Variants in GSDMB observed in about 807,000 individuals in gnomAD.
GSDMB encodes gasdermin B.
GSDMB carries 32 observed loss-of-function variants against 42.9 expected under a neutral mutation model. The ratio of observed to expected loss-of-function variants is 0.75; its 90% confidence interval spans 0.56 to 1.00. The LOEUF (loss-of-function observed/expected upper bound fraction) is 1.00. Among genes scored for constraint, GSDMB ranks in the 50% least tolerant of loss-of-function variants. The pLI, the probability that GSDMB is intolerant of heterozygous loss-of-function variation, is 0.00. For synonymous variants in GSDMB, 175 were observed against 193.7 expected (o/e 0.90, Z 0.80); for missense variants, 468 against 498.5 (o/e 0.94, Z 0.58).
chr17:39,914,379 C>T (rs796750352), intron 2 of GSDMB, among the ~76,000 whole-genome samples: 3 of 152,226 alleles, frequency 2.0e-5, no homozygotes, highest in African/African-American at 7.2e-5. Context: ...CTGTCACAGC[C>T]AAGAGGAGCC....
intron 6 of GSDMB, 116 bp downstream of exon 6, chr17:39,908,060 A>T (rs1282155721): frequency 2.8e-6 from 2 of 707,094 alleles, no homozygotes; most frequent in Non-Finnish European, 5.2e-6. Context: ...CATGGTTCCC[A>T]CCTGTGGGTG....
chr17:39,916,973 CCA>C lies in GSDMB; in HGVS notation c.235+107_235+108del, dbSNP rs1478512900. On this transcript the variant is annotated intron_variant, in intron 2 of 10. Transcript: ENST00000418519. ...TAAGGTGTGTGGATGTGTACAAATC[CCA>C]CAGTTTCGTTGTTGATTGGTTGATA... 3.7e-5 allele frequency: 27 copies of C among 722,110 alleles called. No homozygotes were observed. The Middle Eastern group carries it at 1.5e-3, about 40-fold the overall frequency. The allele number at this position is 722,110 out of a possible 1,614,324, so 44.7% of individuals were successfully genotyped here.
In GSDMB at chr17:39,909,826, G is replaced by A. The variant is rs377712428; in HGVS notation, c.506C>T (p.Thr169Ile). 6.2e-7 allele frequency: 1 copy of A among 1,613,712 alleles called. No individual in the cohort carries two copies. Among genetic ancestry groups the A allele is most frequent in the Admixed American group, 1.7e-5 (1 of 60,024 alleles). Reference protein sequence around the residue: ...TETLETVKEETLKSDRQYKFW... With the variant: ...TETLETVKEEILKSDRQYKFW... ...TTTATATTGCCGGTCGCTTTTCAGG[G>A]TTTCCTCCTTTACCGTCTCCAGAGT... Residue 169 changes from threonine (T) to isoleucine (I), a missense_variant, in exon 4 of 11, where the codon ACC becomes ATC. Physicochemically the swap from Thr to Ile is moderately conservative, Grantham distance 89 (BLOSUM62 -1). Transcript: ENST00000418519.
At chr17:39,910,043 C>T (rs1425409964) in intron 3 of GSDMB, 119 bp from the exon 4 acceptor site, 2 of 776,786 alleles carry the variant, frequency 2.6e-6, no homozygotes, top group Non-Finnish European at 4.2e-6. Flanking sequence ...GACTGGAAAA[C>T]CAAGGAACAC....
chr17:39,916,972 C>A (rs1292897590), intron 2 of GSDMB, 110 bp downstream of exon 2: 1 of 716,248 alleles, frequency 1.4e-6, no homozygotes. Flanking sequence ...GTGTACAAAT[C>A]CCACAGTTTC....
intron 1 of GSDMB, 60 bp downstream of exon 1, chr17:39,918,474 T>C (rs2063754718): frequency 6.6e-6 from 1 of 152,424 alleles, no homozygotes; most frequent in Non-Finnish European, 1.5e-5. Flanking sequence ...AACCTGGGAA[T>C]TCTAGGTGTC....
intron 10 of GSDMB, 183 bp from the exon 11 acceptor site, chr17:39,905,147 A>G (rs2063481551): frequency 3.2e-6 from 2 of 624,298 alleles, no homozygotes; most frequent in South Asian, 3.9e-5. Context: ...TCTGCTAGTC[A>G]GTCTGCATGG....
rs934450019 is a variant in GSDMB, at chr17:39,906,988, C to A, written c.701-1G>T. The stretch of plus-strand genomic sequence containing the variant: ...AAACAGGATGAAGCACCATCCTTCT[C>A]TGCAGAGAGAGGAAGAGTTATTTCA... On this transcript the variant is annotated splice_acceptor_variant, in intron 6 of 10. Coordinates refer to ENST00000418519, the MANE Select transcript of GSDMB (RefSeq NM_001165958.2). LOFTEE classifies it high-confidence loss of function. 2 of 1,613,990 alleles carry A rather than the reference C, an allele frequency of 1.2e-6. No individual in the cohort carries two copies. The highest frequency in any genetic ancestry group is 1.7e-6 in the Non-Finnish European group (2 of 1,179,888).
Position 39,908,185 on chromosome 17 carries a change from AG to A in GSDMB, c.690del (p.Pro232GlnfsTer11), listed in dbSNP as rs760354719. 1.1e-5 allele frequency: 16 copies of A among 1,519,978 alleles called. No individual in the cohort carries two copies. In the South Asian group the frequency reaches 1.1e-4, roughly 10 times the overall value. The allele number at this position is 1,519,978 out of a possible 1,614,324, so 94.2% of individuals were successfully genotyped here. A position where few individuals can be genotyped will look rare whatever the true frequency, so the allele number is the denominator to read the frequency against. On this transcript the variant is annotated frameshift_variant, in exon 6 of 11. Transcript: ENST00000418519. LOFTEE classifies it high-confidence loss of function. ...MNIHFRGKTK[S>X]FPEEKDGASS... ...CCAGCAGCTCACTCACCTTCTGGAA[AG>A]GATTTTGTTTTGCCCCTGAAATGAA...
intron 3 of GSDMB, among the ~76,000 whole-genome samples, 196 bp downstream of exon 3, chr17:39,912,130 G>A (rs1360610581): frequency 1.3e-5 from 2 of 152,058 alleles, no homozygotes; most frequent in Non-Finnish European, 2.9e-5. Flanking sequence ...GTAAAGGGGA[G>A]GGCTGAGGGA....
At chr17:39,910,541 A>G (rs2063588636) in intron 3 of GSDMB, among the ~76,000 whole-genome samples, 1 of 151,184 alleles carries the variant, frequency 6.6e-6, no homozygotes, top group Non-Finnish European at 1.5e-5. Flanking sequence ...CTGGGATTCA[A>G]ACCCTGGTCA....
Position 39,909,018 on chromosome 17 carries a change from G to T in GSDMB, c.601C>A (p.Pro201Thr). The change falls in exon 5 of 11, where the codon CCA becomes ACA. Residue 201 changes from proline to threonine, a missense_variant. Transcript: ENST00000418519. ...HKGQREVTIP[P>T]NRVLSYRVKQ... is the part of the protein sequence containing the mutation. Reference sequence around the variant, plus strand: ...ACTCGATAGCTCAGGACCCGATTTGGGGGGATGGTCACTTCCCTTTGGCCC... The same window carrying T: ...ACTCGATAGCTCAGGACCCGATTTGTGGGGATGGTCACTTCCCTTTGGCCC... 6.2e-7 allele frequency: 1 copy of T among 1,601,786 alleles called. No individual in the cohort carries two copies. The highest frequency in any genetic ancestry group is 8.5e-7 in the Non-Finnish European group (1 of 1,174,878).
intron 7 of GSDMB, 93 bp downstream of exon 7, chr17:39,906,868 T>C: frequency 2.5e-6 from 4 of 1,593,814 alleles, no homozygotes; most frequent in Non-Finnish European, 2.6e-6. Flanking sequence ...TCCTACCCAC[T>C]CAGCTGACCC....
intron 3 of GSDMB, among the ~76,000 whole-genome samples, chr17:39,910,456 C>T (rs1002442504): frequency 1.3e-5 from 2 of 152,246 alleles, no homozygotes; most frequent in African/African-American, 4.8e-5. Flanking sequence ...ATTACGTCCA[C>T]TTTCCATGTA....
At chr17:39,905,315 G>T in intron 10 of GSDMB, 111 bp downstream of exon 10, 1 of 734,004 alleles carries the variant, frequency 1.4e-6, no homozygotes, top group Non-Finnish European at 2.3e-6. Context: ...GATGTGAGCC[G>T]GCAGAAAACT....
Position 39,909,926 on chromosome 17 carries a change from T to C in GSDMB, c.408-2A>G. On this transcript the variant is annotated splice_acceptor_variant, in intron 3 of 10. Coordinates refer to ENST00000418519, the MANE Select transcript of GSDMB (RefSeq NM_001165958.2). LOFTEE classifies it high-confidence loss of function. ...AAGGGTAGTTCCCTCTTCAGCTTCC[T>C]GGAGAGAGTGGAGAGAGATGAGAGT... is the stretch of plus-strand genomic sequence containing the variant. 5 of 1,609,776 alleles carry C rather than the reference T, an allele frequency of 3.1e-6. No homozygotes were observed. The highest frequency in any genetic ancestry group is 2.7e-5 in the African/African-American group (2 of 74,818).
chr17:39,912,244 A>T, intron 3 of GSDMB, 82 bp downstream of exon 3: 1 of 929,760 alleles, frequency 1.1e-6, no homozygotes, highest in Non-Finnish European at 1.7e-6. Context: ...TTTTAAAAAG[A>T]GCCGGTCTGC....
At chr17:39,906,416 C>T in intron 7 of GSDMB, 145 bp from the exon 8 acceptor site, 1 of 953,484 alleles carries the variant, frequency 1.0e-6, no homozygotes, top group South Asian at 1.8e-5. Flanking sequence ...ATTAAGCATC[C>T]TTCTTCCAAG....
intron 10 of GSDMB, 74 bp downstream of exon 10, chr17:39,905,352 G>A (rs1247215715): frequency 9.9e-7 from 1 of 1,006,106 alleles, no homozygotes; most frequent in African/African-American, 1.6e-5. Flanking sequence ...CTGTACCCTG[G>A]GACTTCTGGG....
Sources: gnomAD v4.1 joint callset for allele counts (sites outside exome capture counted in the v4.1 genomes callset) on GRCh38, gnomAD v4.1.1 for gene constraint, MANE v1.5 for transcripts, NCBI Gene and HGNC (gene_info 2026-07-23, HGNC 2026-07-21) for gene names.